The following CREB3L4 variants were observed in gnomAD, a reference collection of about 807,000 sequenced individuals.
CREB3L4 encodes cyclic AMP-responsive element-binding protein 3-like protein 4.
Under a neutral mutation model 37.0 loss-of-function variants are expected in CREB3L4, and 28 were observed. The ratio of observed to expected loss-of-function variants is 0.76; its 90% confidence interval spans 0.56 to 1.04. CREB3L4 has a LOEUF of 1.04. CREB3L4 is among the 50% of genes least tolerant of loss of function. The probability of loss-of-function intolerance (pLI) is 0.00; values close to 1 mark genes in which losing one functional copy is unlikely to be tolerated. For synonymous variants in CREB3L4, 175 were observed against 192.2 expected (o/e 0.91, Z 0.74); for missense variants, 462 against 486.0 (o/e 0.95, Z 0.46).
In CREB3L4 at chr1:153,968,590, C is replaced by T. The variant is rs776695042; in HGVS notation, c.65C>T (p.Thr22Ile). The T allele has an allele frequency of 5.0e-6, 8 of 1,614,132 alleles. No individual in the cohort carries two copies. The highest frequency in any genetic ancestry group is 4.2e-6 in the Non-Finnish European group (5 of 1,180,016). ...WLEPPEDIFS[T>I]GSVLELGLHC... ...GAGCCCCCAGAGGATATCTTCTCGA[C>T]AGGATCCGTCCTGGAGCTGGGACTC... Residue 22 changes from threonine to isoleucine, a missense_variant, in exon 2 of 10, where the codon ACA becomes ATA. Transcript: ENST00000368607.
rs749440573 is a variant in CREB3L4, at chr1:153,972,825, C to G, written c.625C>G (p.Pro209Ala). The stretch of plus-strand genomic sequence containing the variant: ...AGGGGTTTCCCTGCCCTCTCACCTG[C>G]CCCTCACCAAGGTAACATGCTTCCC... ...QEGVSLPSHL[P>A]LTKAEERVLK... Residue 209 changes from proline to alanine, a missense_variant, in exon 5 of 10, where the codon CCC (proline) becomes GCC (alanine). Physicochemically the swap from Pro to Ala is conservative, Grantham distance 27. Coordinates refer to ENST00000368607, the MANE Select transcript of CREB3L4 (RefSeq NM_001255978.2). The G allele has an allele frequency of 6.2e-7, 1 of 1,613,738 alleles. No homozygotes were observed. Among genetic ancestry groups the G allele is most frequent in the Non-Finnish European group, 8.5e-7 (1 of 1,179,722 alleles).
At chr1:153,971,171 C>T (rs953374557) in intron 4 of CREB3L4, among the ~76,000 whole-genome samples, 19 of 150,194 alleles carry the variant, frequency 1.3e-4, no homozygotes, top group African/African-American at 4.6e-4. Context: ...AGTTCGAGAC[C>T]AGCCTGGCCA....
intron 4 of CREB3L4, chr1:153,969,704 G>A (rs932237699): frequency 3.9e-5 from 17 of 431,694 alleles, no homozygotes; most frequent in Admixed American, 1.1e-4. Flanking sequence ...TCAACATCTT[G>A]GGCTCAAGCA....
intron 4 of CREB3L4, chr1:153,969,768 G>A (rs1648165103): frequency 6.7e-6 from 2 of 298,320 alleles, no homozygotes; most frequent in Non-Finnish European, 1.3e-5. Flanking sequence ...GTGCCACCAC[G>A]TCTGGCTAAT....
intron 2 of CREB3L4, 21 bp from the exon 3 acceptor site, chr1:153,968,909 T>A: frequency 6.3e-7 from 1 of 1,588,986 alleles, no homozygotes; most frequent in Non-Finnish European, 8.6e-7. Context: ...TGCACATATA[T>A]ATAACCTTTT....
intron 2 of CREB3L4, 41 bp downstream of exon 2, chr1:153,968,740 A>T: frequency 6.2e-7 from 1 of 1,610,574 alleles, no homozygotes; most frequent in Non-Finnish European, 8.5e-7. Flanking sequence ...GTTGAGACAC[A>T]ACTCTGTGAT....
intron 1 of CREB3L4, 97 bp from the exon 2 acceptor site, chr1:153,968,425 A>G: frequency 1.9e-6 from 2 of 1,074,286 alleles, no homozygotes; most frequent in South Asian, 1.5e-5. Context: ...GGGCGGGGAT[A>G]ATGGAAAAGG....
Position 153,968,557 on chromosome 1 carries a change from C to G in CREB3L4, c.32C>G (p.Ala11Gly). ...CTCGGAATCCCTGACCTGCTGGACG[C>G]GTGGCTGGAGCCCCCAGAGGATATC... MDLGIPDLLD[A>G]WLEPPEDIFS... Residue 11 changes from alanine to glycine, a missense_variant, in exon 2 of 10, where the codon GCG becomes GGG. Transcript: ENST00000368607. 1 of 1,613,996 alleles carries G rather than the reference C, an allele frequency of 6.2e-7. No individual in the cohort carries two copies. Among genetic ancestry groups the G allele is most frequent in the Non-Finnish European group, 8.5e-7 (1 of 1,179,948 alleles).
Position 153,974,048 on chromosome 1 carries a change from C to T in CREB3L4, c.1171C>T (p.His391Tyr), listed in dbSNP as rs764764527. The change falls in exon 10 of 10, where the codon CAT becomes TAT. Residue 391 changes from histidine to tyrosine, a missense_variant. Physicochemically the swap from His to Tyr is moderately conservative, Grantham distance 83. Coordinates refer to ENST00000368607, the MANE Select transcript of CREB3L4 (RefSeq NM_001255978.2). ...CAGTGGGCGCATCCGGTCCGTGCTG[C>T]ATGCAGATGAGATGTGAGCTGGAAC... The part of the protein sequence containing the change: ...RPSGRIRSVL[H>Y]ADEM 1.2e-6 allele frequency: 2 copies of T among 1,613,734 alleles called. No homozygotes were observed. The highest frequency in any genetic ancestry group is 1.1e-5 in the South Asian group (1 of 91,048).
rs374445619 is a variant in CREB3L4 at position 153,972,732 on chromosome 1, C to G, written c.544-12C>G. 146 of 1,610,716 alleles carry G rather than the reference C, an allele frequency of 9.1e-5. No individual in the cohort carries two copies. The highest frequency in any genetic ancestry group is 1.2e-4 in the Non-Finnish European group (139 of 1,178,084). ...TCACTCCTATTGCATCTTCTCCTGC[C>G]CCTACCCCCAGCTGCCCTGTCAAAC... On this transcript the variant is annotated splice_polypyrimidine_tract_variant and intron_variant, in intron 4 of 9. Transcript: ENST00000368607.
At chr1:153,971,070 C>A (rs1458125905) in intron 4 of CREB3L4, among the ~76,000 whole-genome samples, 1 of 109,890 alleles carries the variant, frequency 9.1e-6, no homozygotes, top group Non-Finnish European at 1.9e-5. Flanking sequence ...AGCTGAGGAA[C>A]CTTTAAAAGT....
chr1:153,968,908 A>G (rs752284305), intron 2 of CREB3L4, 22 bp from the exon 3 acceptor site: 125 of 1,588,528 alleles, frequency 7.9e-5, no homozygotes, highest in Non-Finnish European at 1.0e-4. Context: ...CTGCACATAT[A>G]TATAACCTTT....
chr1:153,972,238 G>A (rs901898756), intron 4 of CREB3L4, among the ~76,000 whole-genome samples: 1 of 152,212 alleles, frequency 6.6e-6, no homozygotes, highest in African/African-American at 2.4e-5. Flanking sequence ...TTGTATGAGA[G>A]GGGACAGAAC....
intron 4 of CREB3L4, among the ~76,000 whole-genome samples, chr1:153,970,118 G>A (rs570116827): frequency 4.6e-5 from 7 of 151,912 alleles, no homozygotes; most frequent in Admixed American, 1.3e-4. Flanking sequence ...TAGTAGAGAC[G>A]GGTTTCCACC....
chr1:153,972,995 G>T lies in CREB3L4; in HGVS notation c.660G>T (p.Lys220Asn), dbSNP rs762527012. Residue 220 changes from lysine (K) to asparagine (N), a missense_variant, in exon 6 of 10, where the codon AAG becomes AAT. Lys to Asn is a moderately conservative substitution (Grantham distance 94). Transcript: ENST00000368607. Reference sequence around the variant, plus strand: ...AGGCAGAGGAGAGGGTCCTCAAGAAGGTCAGGAGGAAAATCCGTAACAAGC... The same window carrying T: ...AGGCAGAGGAGAGGGTCCTCAAGAATGTCAGGAGGAAAATCCGTAACAAGC... Reference protein sequence around the residue: ...LTKAEERVLKKVRRKIRNKQS... With the variant: ...LTKAEERVLKNVRRKIRNKQS... The T allele has an allele frequency of 6.2e-7, 1 of 1,614,178 alleles. No individual in the cohort carries two copies. The highest frequency in any genetic ancestry group is 8.5e-7 in the Non-Finnish European group (1 of 1,180,026).
chr1:153,974,187 G>A lies in CREB3L4; in HGVS notation c.*122G>A. On this transcript the variant is annotated 3_prime_UTR_variant, in exon 10 of 10. Coordinates refer to ENST00000368607, the MANE Select transcript of CREB3L4 (RefSeq NM_001255978.2). ...CCCTCAGGGGTCCAAATCACTTCAG[G>A]ACACCCCAAGAGATGTCCTTTAGTC... 5 of 849,190 alleles carry A rather than the reference G, an allele frequency of 5.9e-6. No homozygotes were observed. Among genetic ancestry groups the A allele is most frequent in the Non-Finnish European group, 7.3e-6 (4 of 549,162 alleles). The allele number at this position is 849,190 out of a possible 1,614,324, so 52.6% of individuals were successfully genotyped here. A position where few individuals can be genotyped will look rare whatever the true frequency, so the allele number is the denominator to read the frequency against.
At position 153,969,777 on chromosome 1, in the gene CREB3L4, A is replaced by AT. The variant is rs1648166288; in HGVS notation, c.543+327dup. ...AGGTGTGTGCCACCACGTCTGGCTA[A>AT]TTTTTGTAGAGATGGGGTTTTGGGG... On this transcript the variant is annotated intron_variant, in intron 4 of 9. Coordinates refer to ENST00000368607, the MANE Select transcript of CREB3L4 (RefSeq NM_001255978.2). 7 of 286,884 alleles carry AT rather than the reference A, an allele frequency of 2.4e-5. No individual in the cohort carries two copies. In the South Asian group the frequency reaches 2.6e-4, roughly 11 times the overall value. The allele number at this position is 286,884 out of a possible 1,614,324, so 17.8% of individuals were successfully genotyped here.
At position 153,972,801 on chromosome 1, in the gene CREB3L4, G is replaced by T. The variant is rs748336826; in HGVS notation, c.601G>T (p.Gly201Trp). ...GGAGAAGCGTCTGCTGGGGCAGGAAGGGGTTTCCCTGCCCTCTCACCTGCC... is the reference window on the plus strand; with the variant it reads ...GGAGAAGCGTCTGCTGGGGCAGGAATGGGTTTCCCTGCCCTCTCACCTGCC... ...DEEKRLLGQE[G>W]VSLPSHLPLT... Residue 201 changes from glycine to tryptophan, a missense_variant, in exon 5 of 10, where the codon GGG (glycine) becomes TGG (tryptophan). Transcript: ENST00000368607. 2.5e-6 allele frequency: 4 copies of T among 1,613,888 alleles called. No individual in the cohort carries two copies. In the Admixed American group the frequency reaches 6.7e-5, roughly 27 times the overall value.
chr1:153,973,111 C>A, intron 6 of CREB3L4, 33 bp downstream of exon 6: 1 of 1,612,046 alleles, frequency 6.2e-7, no homozygotes, highest in Non-Finnish European at 8.5e-7. Context: ...TTCTTGTGGG[C>A]CATGTCTGGG....
Sources: allele counts gnomAD v4.1 joint callset (sites outside exome capture counted in the v4.1 genomes callset), GRCh38; gene constraint gnomAD v4.1.1; transcripts MANE v1.5; gene names NCBI Gene and HGNC (gene_info 2026-07-23, HGNC 2026-07-21).